Variants in KMT2C observed in about 807,000 individuals in gnomAD.
The protein encoded by KMT2C is lysine methyltransferase 2C, also known as histone-lysine N-methyltransferase 2C.
KMT2C carries 88 observed loss-of-function variants against 507.9 expected under a neutral mutation model. The observed-to-expected ratio is 0.17, with a 90% CI of 0.15 to 0.21. The LOEUF is 0.21. Among genes scored for constraint, KMT2C ranks in the 10% least tolerant of loss-of-function variants. The pLI is 1.00. For synonymous variants in KMT2C, 2,049 were observed against 2,080.8 expected, an observed-to-expected ratio of 0.98 and a Z score of 0.42; for missense variants, 4,954 against 5,957.8, an observed-to-expected ratio of 0.83 and a Z score of 5.55.
rs191341635 is a variant in KMT2C, at chr7:152,359,345, T to C, written c.162-670A>G. On this transcript the variant is annotated intron_variant, in intron 1 of 58. Transcript: ENST00000262189. ...TCTTTGAATTGTACTAAATACGGTA[T>C]AGAAATGAGTAAAAGAAAAATTAAT... is the stretch of plus-strand genomic sequence containing the variant. Among the ~76,000 whole-genome samples the C allele has an allele frequency of 3.4e-3, 485 of 144,566 alleles. 3 individuals carry two copies. The highest frequency in any genetic ancestry group is 0.011 in the Middle Eastern group (3 of 276). The allele number at this position is 144,566 out of a possible 152,430, so 94.8% of individuals were successfully genotyped here.
intron 25 of KMT2C, among the ~76,000 whole-genome samples, chr7:152,204,755 C>T (rs1412638995): frequency 6.6e-6 from 1 of 151,886 alleles, no homozygotes; most frequent in Non-Finnish European, 1.5e-5. Flanking sequence ...CAGAAAGTAC[C>T]TTATGTAACT....
Position 152,172,442 on chromosome 7 carries a change from T to G in KMT2C, c.9375-1100A>C, listed in dbSNP as rs983808508. Among the ~76,000 whole-genome samples the G allele has an allele frequency of 2.0e-5, 3 of 152,192 alleles. No individual in the cohort carries two copies. The East Asian group carries it at 5.8e-4, about 29-fold the overall frequency. Reference sequence around the variant, plus strand: ...CGGGTGCAGTGGCTCATGCCTGTAATTGCAGCACTTTGGGAGGGGGAGGCA... The same window carrying G: ...CGGGTGCAGTGGCTCATGCCTGTAAGTGCAGCACTTTGGGAGGGGGAGGCA... On this transcript the variant is annotated intron_variant, in intron 39 of 58. Coordinates refer to ENST00000262189, the MANE Select transcript of KMT2C (RefSeq NM_170606.3).
chr7:152,248,585 T>C lies in KMT2C; in HGVS notation c.1849A>G (p.Lys617Glu), dbSNP rs1271995049. The C allele has an allele frequency of 4.3e-6, 7 of 1,613,062 alleles. No homozygotes were observed. The highest frequency in any genetic ancestry group is 5.9e-6 in the Non-Finnish European group (7 of 1,179,324). ...CTATCAACTTCATTAGAAATCTGTT[T>C]TTCCAATTCAGTATTCACTGTATGT... Reference protein sequence around the residue: ...SQHTVNTELEKQISNEVDSED... With the variant: ...SQHTVNTELEEQISNEVDSED... Residue 617 changes from lysine (K) to glutamate (E), a missense_variant, in exon 14 of 59, where the codon AAA (lysine) becomes GAA (glutamate). Coordinates refer to ENST00000262189, the MANE Select transcript of KMT2C (RefSeq NM_170606.3).
intron 1 of KMT2C, among the ~76,000 whole-genome samples, chr7:152,417,232 C>T (rs1444782330): frequency 6.6e-6 from 1 of 152,074 alleles, no homozygotes; most frequent in Non-Finnish European, 1.5e-5. Context: ...GACTCTCCTG[C>T]CACAGCCTCC....
At position 152,155,901 on chromosome 7, in the gene KMT2C, A is replaced by T. The variant is rs758529256; in HGVS notation, c.11960+9T>A. 2 of 1,585,174 alleles carry T rather than the reference A, an allele frequency of 1.3e-6. No individual in the cohort carries two copies. The highest frequency in any genetic ancestry group is 2.7e-5 in the African/African-American group (2 of 72,852). On this transcript the variant is annotated intron_variant, in intron 46 of 58. Coordinates refer to ENST00000262189, the MANE Select transcript of KMT2C (RefSeq NM_170606.3). ...ACTAAGAATTATTTGAGAAAAAAAT[A>T]ACCTGTACCTTAATTCTTCCTGATT... is the stretch of plus-strand genomic sequence containing the variant.
rs1308761452 is a variant in KMT2C, at chr7:152,241,469, C to T, written c.2533-2643G>A. Among the ~76,000 whole-genome samples the T allele has an allele frequency of 1.0e-4, 16 of 152,390 alleles. No homozygotes were observed. In the South Asian group the frequency reaches 3.1e-3, roughly 30 times the overall value. On this transcript the variant is annotated intron_variant, in intron 14 of 58. Coordinates refer to ENST00000262189, the MANE Select transcript of KMT2C (RefSeq NM_170606.3). ...CATCCCAAAGTGCTGGGATTACAGA[C>T]GTGAGCCACCACGGCCAGCCATGTC...
chr7:152,243,845 A>C (rs1452839553), intron 14 of KMT2C, among the ~76,000 whole-genome samples: 1 of 152,178 alleles, frequency 6.6e-6, no homozygotes, highest in Non-Finnish European at 1.5e-5. Flanking sequence ...AATACGTTTC[A>C]TAAAATGCTT....
chr7:152,347,177 G>C (rs887566725), intron 2 of KMT2C, among the ~76,000 whole-genome samples: 1 of 152,144 alleles, frequency 6.6e-6, no homozygotes, highest in Non-Finnish European at 1.5e-5. Context: ...AGACCATACT[G>C]TATTTACTGA....
intron 28 of KMT2C, chr7:152,195,475 A>T (rs1563345934): frequency 1.1e-6 from 1 of 912,624 alleles, no homozygotes; most frequent in Non-Finnish European, 1.3e-6. Context: ...ACTATAAAAA[A>T]AGAAGACTAC....
At chr7:152,230,176 A>C (rs752809627) in intron 17 of KMT2C, 44 bp downstream of exon 17, 5 of 1,165,096 alleles carry the variant, frequency 4.3e-6, no homozygotes, top group South Asian at 2.6e-5. Flanking sequence ...GAAATGTGCA[A>C]GGAGGAATTC....
At chr7:152,214,427 T>C (rs1443946271) in intron 23 of KMT2C, among the ~76,000 whole-genome samples, 1 of 152,156 alleles carries the variant, frequency 6.6e-6, no homozygotes, top group African/African-American at 2.4e-5. Flanking sequence ...CATCAATAGG[T>C]TCTTGGGAAC....
rs765611849 is a variant in KMT2C at position 152,148,486 on chromosome 7, T to C, written c.13441A>G (p.Asn4481Asp). The C allele has an allele frequency of 1.9e-6, 3 of 1,614,254 alleles. No homozygotes were observed. The highest frequency in any genetic ancestry group is 2.5e-6 in the Non-Finnish European group (3 of 1,180,046). The change falls in exon 52 of 59, where the codon AAC (asparagine) becomes GAC (aspartate). Residue 4481 changes from asparagine (N) to aspartate (D), a missense_variant. Asn to Asp is a conservative substitution (Grantham distance 23). Transcript: ENST00000262189. The surrounding 1 kb of genome is among the most constrained non-coding windows in gnomAD (Gnocchi z 7.1). ...TSGCHRFRCT[N>D]IYHFTCAIKA... is the part of the protein sequence containing the mutation. ...ATGGCGCAAGTGAAGTGATAAATGT[T>C]GGTGCATCGAAATCTGTGGCATCCA... is the stretch of plus-strand genomic sequence containing the variant.
At chr7:152,427,850 C>G (rs1189276937) in intron 1 of KMT2C, among the ~76,000 whole-genome samples, 1 of 152,160 alleles carries the variant, frequency 6.6e-6, no homozygotes, top group Non-Finnish European at 1.5e-5. Flanking sequence ...ATTTGGATGC[C>G]TGCTACAACA....
intron 1 of KMT2C, among the ~76,000 whole-genome samples, chr7:152,376,830 A>G (rs6966967): frequency 9.9e-4 from 151 of 152,410 alleles, no homozygotes; most frequent in African/African-American, 3.4e-3. Flanking sequence ...ATGTAGACAA[A>G]AGAGCCTTCC....
chr7:152,139,062 T>C (rs2090207695), intron 57 of KMT2C, 124 bp downstream of exon 57: 1 of 1,029,172 alleles, frequency 9.7e-7, no homozygotes, highest in Non-Finnish European at 1.5e-6. Flanking sequence ...CTCAACTCAT[T>C]TGCTCTGAAT....
At chr7:152,208,388 G>C (rs975725781) in intron 23 of KMT2C, among the ~76,000 whole-genome samples, 53 of 152,184 alleles carry the variant, frequency 3.5e-4, no homozygotes, top group African/African-American at 1.1e-3. Flanking sequence ...ATTTAGAAAA[G>C]ATTATGTCAA....
At chr7:152,249,618 T>C (rs1350074746) in intron 13 of KMT2C, among the ~76,000 whole-genome samples, 2 of 107,648 alleles carry the variant, frequency 1.9e-5, no homozygotes, top group Admixed American at 2.4e-4. Flanking sequence ...AAAAGAAAAC[T>C]ACCAAGTAAC....
intron 3 of KMT2C, among the ~76,000 whole-genome samples, chr7:152,319,585 T>C (rs1192780318): frequency 6.6e-6 from 1 of 151,624 alleles, no homozygotes; most frequent in Non-Finnish European, 1.5e-5. Flanking sequence ...TCTTTTAGAG[T>C]TTAGAGAAGA....
chr7:152,291,205 G>A (rs73164510), intron 6 of KMT2C, among the ~76,000 whole-genome samples: 2 of 150,476 alleles, frequency 1.3e-5, no homozygotes, highest in Admixed American at 6.7e-5. Context: ...ATCTCATTCC[G>A]CAGCGCAAAA....
Sources: gnomAD v4.1 joint callset for allele counts (sites outside exome capture counted in the v4.1 genomes callset) on GRCh38, gnomAD v4.1.1 for gene constraint, Gnocchi (gnomAD v3.1) non-coding constraint, MANE v1.5 for transcripts, NCBI Gene and HGNC (gene_info 2026-07-23, HGNC 2026-07-21) for gene names.